NEGR1: variants seen among roughly 807,000 people sequenced by gnomAD.
NEGR1 encodes neuronal growth regulator 1, also known as IgLON family member 4.
In NEGR1, 10 loss-of-function variants were observed where a neutral mutation model predicts 40.9. The ratio of observed to expected loss-of-function variants is 0.24; its 90% CI spans 0.15 to 0.42. The LOEUF (loss-of-function observed/expected upper bound fraction) is 0.42. Among genes scored for constraint, NEGR1 ranks in the 10% least tolerant of loss-of-function variants. The probability of loss-of-function intolerance (pLI) is 1.00; values close to 1 mark genes in which losing one functional copy is unlikely to be tolerated. For synonymous variants in NEGR1, 185 were observed against 166.8 expected (o/e 1.11, Z -0.84); for missense variants, 352 against 438.9 (o/e 0.80, Z 1.77).
intron 1 of NEGR1, among the ~76,000 whole-genome samples, chr1:71,950,264 T>C (rs1241259417): frequency 6.6e-6 from 1 of 151,982 alleles, no homozygotes; most frequent in Admixed American, 6.6e-5. Context: ...TACATTTACC[T>C]GCATTTTGTG....
chr1:72,067,131 G>A lies in NEGR1; in HGVS notation c.177-131820C>T, dbSNP rs533105352. On this transcript the variant is annotated intron_variant, in intron 1 of 6. Coordinates refer to ENST00000357731, the MANE Select transcript of NEGR1 (RefSeq NM_173808.3). ...GCAACATTTGGTGACAAAATAGCAA[G>A]TACTATAAACATGGAAAAGATCGAT... is the stretch of plus-strand genomic sequence containing the variant. Among the ~76,000 whole-genome samples the A allele has an allele frequency of 2.0e-5, 3 of 152,154 alleles. No individual in the cohort carries two copies. The East Asian group carries it at 5.8e-4, about 29-fold the overall frequency.
intron 1 of NEGR1, among the ~76,000 whole-genome samples, chr1:72,010,706 T>G (rs1646648954): frequency 6.6e-6 from 1 of 151,982 alleles, no homozygotes; most frequent in Non-Finnish European, 1.5e-5. Context: ...AAGGGAAACT[T>G]GACTTTGGCT....
chr1:71,912,107 ATGCATTATCT>A (rs1471568649), intron 2 of NEGR1, among the ~76,000 whole-genome samples: 1 of 152,222 alleles, frequency 6.6e-6, no homozygotes, highest in East Asian at 1.9e-4. Flanking sequence ...ACAACAAAAA[ATGCATTATCT>A]TGCAATTATG....
intron 3 of NEGR1, among the ~76,000 whole-genome samples, chr1:71,756,011 C>G (rs1352394201): frequency 2.6e-5 from 4 of 152,106 alleles, no homozygotes; most frequent in Non-Finnish European, 5.9e-5. Flanking sequence ...CTTTAAGCCT[C>G]AAATGTATTT....
At chr1:71,776,026 T>G (rs1393668789) in intron 3 of NEGR1, 146 bp downstream of exon 3, 13 of 246,644 alleles carry the variant, frequency 5.3e-5, no homozygotes, top group Non-Finnish European at 7.8e-6. Context: ...AATAAATAAA[T>G]AAATAAATAA....
chr1:71,540,523 A>AT (rs1418002127), intron 6 of NEGR1, among the ~76,000 whole-genome samples: 1 of 151,718 alleles, frequency 6.6e-6, no homozygotes, highest in South Asian at 2.1e-4. Context: ...ATTGCTTCTG[A>AT]TTTTTTTGTT....
intron 1 of NEGR1, among the ~76,000 whole-genome samples, chr1:72,247,067 G>A (rs1654927345): frequency 6.6e-6 from 1 of 152,156 alleles, no homozygotes; most frequent in Non-Finnish European, 1.5e-5. Context: ...GGCTGCATAG[G>A]GCAGAAGGAC....
intron 6 of NEGR1, among the ~76,000 whole-genome samples, chr1:71,462,922 G>A (rs1305667203): frequency 3.3e-5 from 5 of 152,114 alleles, no homozygotes; most frequent in African/African-American, 1.2e-4. Flanking sequence ...AATCAGAGGG[G>A]AAAGGAATAG....
intron 1 of NEGR1, among the ~76,000 whole-genome samples, chr1:72,021,648 G>A (rs1005216212): frequency 2.6e-5 from 4 of 152,048 alleles, no homozygotes; most frequent in African/African-American, 9.7e-5. Flanking sequence ...TAGGCAAAAT[G>A]CTCAATGTCA....
intron 1 of NEGR1, among the ~76,000 whole-genome samples, chr1:72,135,397 C>CAAAAAAAAA (rs1386681075): frequency 3.8e-5 from 1 of 26,642 alleles, no homozygotes; most frequent in Admixed American, 4.1e-4. Context: ...AAACAAAAAA[C>CAAAAAAAAA]AAAAAACAAA....
At chr1:71,761,838 T>C (rs1256435138) in intron 3 of NEGR1, among the ~76,000 whole-genome samples, 1 of 151,764 alleles carries the variant, frequency 6.6e-6, no homozygotes, top group Non-Finnish European at 1.5e-5. Context: ...AATAAAACAA[T>C]AAAAGAAGGA....
At chr1:72,093,270 G>A (rs149996936) in intron 1 of NEGR1, among the ~76,000 whole-genome samples, 2 of 145,504 alleles carry the variant, frequency 1.4e-5, no homozygotes, top group Non-Finnish European at 3.0e-5. Flanking sequence ...GGCAGAGGTA[G>A]CAGTGAGCAA....
chr1:71,916,515 G>A (rs549881603), intron 2 of NEGR1, among the ~76,000 whole-genome samples: 3 of 152,318 alleles, frequency 2.0e-5, no homozygotes, highest in South Asian at 4.2e-4. Context: ...CACTTTGGGA[G>A]GCCGAAGCGG....
In NEGR1 at chr1:71,400,330, A is replaced by G. The variant is rs1056104448; in HGVS notation, c.*7116T>C. The G allele has an allele frequency of 6.6e-5, 10 of 152,010 alleles. 1 individual carries two copies. In the East Asian group the frequency reaches 7.7e-4, roughly 12 times the overall value. The allele number at this position is 152,010 out of a possible 1,614,324, so 9.4% of individuals were successfully genotyped here. A position where few individuals can be genotyped will look rare whatever the true frequency, so the allele number is the denominator to read the frequency against. On this transcript the variant is annotated 3_prime_UTR_variant, in exon 7 of 7. Coordinates refer to ENST00000357731, the MANE Select transcript of NEGR1 (RefSeq NM_173808.3). ...TATAGCTTCTTGCAATGTTTTTATC[A>G]TTATCATAGTATTTGGTTGATGAAT...
At chr1:71,991,782 A>ATTTG (rs570471295) in intron 1 of NEGR1, among the ~76,000 whole-genome samples, 2,865 of 151,892 alleles carry the variant, frequency 0.019, 78 homozygotes, top group African/African-American at 0.059. Flanking sequence ...TGAGTATAGT[A>ATTTG]TTTGTTTGTT....
intron 6 of NEGR1, among the ~76,000 whole-genome samples, chr1:71,496,158 T>C (rs1646961892): frequency 2.0e-5 from 3 of 152,140 alleles, no homozygotes; most frequent in Admixed American, 1.3e-4. Context: ...CCTGTCAAGT[T>C]TAACATGAAT....
intron 3 of NEGR1, among the ~76,000 whole-genome samples, chr1:71,729,146 C>T (rs189545852): frequency 2.6e-5 from 4 of 152,216 alleles, no homozygotes; most frequent in Admixed American, 2.6e-4. Flanking sequence ...TAAGACTCTC[C>T]TACCCCAGGG....
At chr1:71,769,091 T>A (rs970501058) in intron 3 of NEGR1, among the ~76,000 whole-genome samples, 3 of 152,036 alleles carry the variant, frequency 2.0e-5, no homozygotes, top group Non-Finnish European at 4.4e-5. Flanking sequence ...TTTTACAAAT[T>A]ACCTAGTTTC....
intron 4 of NEGR1, among the ~76,000 whole-genome samples, chr1:71,619,461 T>C (rs1175450145): frequency 1.3e-5 from 2 of 152,130 alleles, no homozygotes; most frequent in African/African-American, 4.8e-5. Flanking sequence ...TAGCCTTGTG[T>C]TCTTCTTAGA....
Sources: gnomAD v4.1 joint callset for allele counts (sites outside exome capture counted in the v4.1 genomes callset) on GRCh38, gnomAD v4.1.1 for gene constraint, MANE v1.5 for transcripts, NCBI Gene and HGNC (gene_info 2026-07-23, HGNC 2026-07-21) for gene names.